The following RPSA2 variants were observed in gnomAD, a reference collection of about 807,000 sequenced individuals.
The protein encoded by RPSA2 is ribosomal protein SA 2.
the RPSA2 span, among the ~76,000 whole-genome samples, chr19:23,835,732 G>C: frequency 2.0e-5 from 3 of 151,944 alleles, no homozygotes; most frequent in African/African-American, 7.3e-5. Flanking sequence ...TGCCTCTCAG[G>C]TTCAAGCAGT....
chr19:23,761,915 T>G, the RPSA2 span, among the ~76,000 whole-genome samples: 1 of 21,582 alleles, frequency 4.6e-5, no homozygotes, highest in East Asian at 1.1e-3. Flanking sequence ...TTTCTTTCTT[T>G]CTTTCTTTTT....
At chr19:23,841,813 G>C in the RPSA2 span, among the ~76,000 whole-genome samples, 8 of 152,152 alleles carry the variant, frequency 5.3e-5, no homozygotes, top group South Asian at 2.1e-4. Flanking sequence ...ATACAACCAG[G>C]TTACATATTA....
the RPSA2 span, among the ~76,000 whole-genome samples, chr19:23,761,030 CAT>C: frequency 3.7e-4 from 25 of 66,844 alleles, no homozygotes; most frequent in African/African-American, 5.5e-4. Flanking sequence ...TATATATACA[CAT>C]ATATATAGGG....
chr19:23,829,847 GT>G, the RPSA2 span, among the ~76,000 whole-genome samples: 6 of 152,056 alleles, frequency 3.9e-5, no homozygotes, highest in African/African-American at 1.4e-4. Context: ...AATTAAAAAT[GT>G]TTTCTGCGTC....
At chr19:23,787,145 G>A in the RPSA2 span, among the ~76,000 whole-genome samples, 2 of 151,990 alleles carry the variant, frequency 1.3e-5, no homozygotes, top group South Asian at 4.1e-4. Flanking sequence ...CTTCTTTTAG[G>A]TTTTGCCTTC....
chr19:23,847,634 A>G, the RPSA2 span, among the ~76,000 whole-genome samples: 2 of 152,328 alleles, frequency 1.3e-5, no homozygotes, highest in East Asian at 3.9e-4. Context: ...GTCTTGATAA[A>G]CATCTTAACA....
At chr19:23,812,869 G>GT in the RPSA2 span, among the ~76,000 whole-genome samples, 3 of 151,890 alleles carry the variant, frequency 2.0e-5, no homozygotes, top group Admixed American at 2.0e-4. Flanking sequence ...ATTTTTTTCA[G>GT]TTTTTTAAAA....
chr19:23,855,540 A>G, the RPSA2 span, among the ~76,000 whole-genome samples: 2 of 152,168 alleles, frequency 1.3e-5, no homozygotes, highest in Non-Finnish European at 2.9e-5. Context: ...TTGTTTTGGC[A>G]TAATAAGCGT....
chr19:23,854,068 A>T, the RPSA2 span, among the ~76,000 whole-genome samples: 6 of 152,288 alleles, frequency 3.9e-5, no homozygotes, highest in African/African-American at 1.4e-4. Flanking sequence ...CCCGTGTCTT[A>T]TCTCCTTTGT....
At chr19:23,870,893 T>A in the RPSA2 span, among the ~76,000 whole-genome samples, 5 of 152,192 alleles carry the variant, frequency 3.3e-5, no homozygotes, top group African/African-American at 1.2e-4. Flanking sequence ...GAATGCAGAA[T>A]GTGGGCAAAC....
the RPSA2 span, among the ~76,000 whole-genome samples, chr19:23,836,615 T>TG: frequency 1.3e-5 from 2 of 152,198 alleles, no homozygotes; most frequent in African/African-American, 4.8e-5. Flanking sequence ...GTGACTGTAC[T>TG]GGTTGACATT....
chr19:23,836,836 G>C, the RPSA2 span, among the ~76,000 whole-genome samples: 3 of 151,222 alleles, frequency 2.0e-5, no homozygotes, highest in Non-Finnish European at 3.0e-5. Context: ...TCTATTTTTT[G>C]ATTTTTTTCT....
chr19:23,840,529 A>G, the RPSA2 span, among the ~76,000 whole-genome samples: 1 of 152,212 alleles, frequency 6.6e-6, no homozygotes. Context: ...GAATAACACA[A>G]TTTTTAAATG....
chr19:23,843,204 T>C, the RPSA2 span: 2 of 251,916 alleles, frequency 7.9e-6, no homozygotes, highest in South Asian at 4.6e-5. Flanking sequence ...GTACCTGATC[T>C]GATCTCCTGC....
chr19:23,766,502 A>G, the RPSA2 span, among the ~76,000 whole-genome samples: 1 of 140,184 alleles, frequency 7.1e-6, no homozygotes, highest in African/African-American at 2.7e-5. Context: ...CCCAGGCTGG[A>G]GGGCAGTGGC....
At chr19:23,825,810 AACTCCC>A in the RPSA2 span, among the ~76,000 whole-genome samples, 1 of 152,020 alleles carries the variant, frequency 6.6e-6, no homozygotes, top group Non-Finnish European at 1.5e-5. Context: ...GCTGGTCTTG[AACTCCC>A]AACCTCAGGT....
chr19:23,839,570 C>T, the RPSA2 span, among the ~76,000 whole-genome samples: 1 of 152,218 alleles, frequency 6.6e-6, no homozygotes, highest in Non-Finnish European at 1.5e-5. Context: ...AGTTCTTCCC[C>T]ACCTGTGAAG....
At chr19:23,826,979 C>T in the RPSA2 span, 265 of 605,678 alleles carry the variant, frequency 4.4e-4, 1 homozygote, top group African/African-American at 3.8e-3. Flanking sequence ...TGTGAACCAC[C>T]GTGCCTGGGA....
chr19:23,835,079 TTTAAG>T, the RPSA2 span, among the ~76,000 whole-genome samples: 1 of 152,112 alleles, frequency 6.6e-6, no homozygotes, highest in African/African-American at 2.4e-5. Flanking sequence ...AATTCTACAG[TTTAAG>T]TTATTTTTAA....
Sources: allele counts gnomAD v4.1 joint callset (sites outside exome capture counted in the v4.1 genomes callset), GRCh38; gene constraint gnomAD v4.1.1; transcripts MANE v1.5; gene names NCBI Gene and HGNC (gene_info 2026-07-23, HGNC 2026-07-21).